Variants in NAV2 observed in about 807,000 individuals in gnomAD.
The protein encoded by NAV2 is neuron navigator 2, also known as helicase, APC down-regulated 1.
Under a neutral mutation model 223.2 loss-of-function variants are expected in NAV2, and 54 were observed. That is an observed-to-expected ratio of 0.24 (90% CI 0.19 to 0.30). The LOEUF (loss-of-function observed/expected upper bound fraction) is 0.30. Among genes scored for constraint, NAV2 ranks in the 10% least tolerant of loss-of-function variants. The probability of loss-of-function intolerance (pLI) is 1.00; values close to 1 mark genes in which losing one functional copy is unlikely to be tolerated. For missense variants in NAV2, 2,806 were observed against 3,147.5 expected (o/e 0.89, Z 2.60); for synonymous variants, 1,279 against 1,239.3 (o/e 1.03, Z -0.67).
At chr11:19,618,440 G>A (rs186215961) in intron 1 of NAV2, among the ~76,000 whole-genome samples, 57 of 149,668 alleles carry the variant, frequency 3.8e-4, no homozygotes, top group Non-Finnish European at 8.0e-4. Flanking sequence ...ATGGATGGAC[G>A]GATGGGTGGA....
intron 11 of NAV2, among the ~76,000 whole-genome samples, chr11:20,026,690 A>G (rs1484937887): frequency 6.6e-6 from 1 of 152,212 alleles, no homozygotes; most frequent in East Asian, 1.9e-4. Context: ...TCTAATGAAC[A>G]CATGACGAGC....
chr11:19,928,159 C>G (rs2044960559), intron 6 of NAV2, among the ~76,000 whole-genome samples: 1 of 152,164 alleles, frequency 6.6e-6, no homozygotes, highest in Admixed American at 6.5e-5. Flanking sequence ...CCACTTCAGT[C>G]TTACATAAAA....
chr11:19,606,908 A>C (rs754339579), intron 1 of NAV2, among the ~76,000 whole-genome samples: 5 of 152,178 alleles, frequency 3.3e-5, no homozygotes, highest in African/African-American at 4.8e-5. Context: ...CCCACCCCAG[A>C]TCCATTGACT....
chr11:19,569,814 G>A (rs1167718185), intron 1 of NAV2, among the ~76,000 whole-genome samples: 1 of 152,102 alleles, frequency 6.6e-6, no homozygotes, highest in Non-Finnish European at 1.5e-5. Context: ...CCCTGGATGG[G>A]GAGTTATGAG....
chr11:19,932,660 A>G (rs553499797), intron 6 of NAV2, among the ~76,000 whole-genome samples: 2 of 152,336 alleles, frequency 1.3e-5, no homozygotes, highest in South Asian at 4.1e-4. Flanking sequence ...AAAAACTTAC[A>G]TGCTTTAATA....
chr11:19,768,611 C>T (rs984612094), intron 1 of NAV2, among the ~76,000 whole-genome samples: 13 of 152,096 alleles, frequency 8.5e-5, no homozygotes, highest in Admixed American at 2.6e-4. Context: ...CAGGCTAGTT[C>T]TATGTGGACT....
chr11:20,080,914 T>C (rs1156300444), intron 25 of NAV2, among the ~76,000 whole-genome samples: 2 of 152,196 alleles, frequency 1.3e-5, no homozygotes, highest in African/African-American at 2.4e-5. Flanking sequence ...TCCAGTTTTT[T>C]AATTCTTCTT....
exon 1 of NAV2, chr11:19,350,974 A>G: frequency 6.4e-7 from 1 of 1,551,774 alleles, no homozygotes; most frequent in Non-Finnish European, 8.7e-7. Flanking sequence ...TTCTGAGTCC[A>G]GCCAACAGCA....
chr11:19,361,927 C>T (rs1037360120), intron 1 of NAV2, among the ~76,000 whole-genome samples: 2 of 151,980 alleles, frequency 1.3e-5, no homozygotes, highest in Non-Finnish European at 2.9e-5. Flanking sequence ...GAGGAGAATC[C>T]CTAGGCTCCC....
At chr11:19,676,911 C>G (rs189767582) in intron 1 of NAV2, among the ~76,000 whole-genome samples, 1 of 152,268 alleles carries the variant, frequency 6.6e-6, no homozygotes, top group African/African-American at 2.4e-5. Flanking sequence ...CTCCTTAGAT[C>G]GTTAAGACAT....
chr11:19,684,511 G>A (rs1411247368), intron 1 of NAV2, among the ~76,000 whole-genome samples: 5 of 152,132 alleles, frequency 3.3e-5, no homozygotes, highest in Non-Finnish European at 1.5e-5. Flanking sequence ...TTAGTCTGGA[G>A]CACCCAAGCA....
At chr11:19,925,044 T>C (rs1206922246) in intron 6 of NAV2, among the ~76,000 whole-genome samples, 1 of 152,226 alleles carries the variant, frequency 6.6e-6, no homozygotes, top group Non-Finnish European at 1.5e-5. Flanking sequence ...TGATTAGTGA[T>C]GTTTAATGTC....
chr11:19,397,396 A>AGTGTGT lies in NAV2; in HGVS notation c.75+46387_75+46392dup, dbSNP rs1554919830. 6.0e-3 allele frequency among the ~76,000 whole-genome samples: 859 copies of AGTGTGT among 143,854 alleles called. 10 individuals are homozygous for AGTGTGT. Among genetic ancestry groups the AGTGTGT allele is most frequent in the Non-Finnish European group, 7.3e-3 (482 of 65,982 alleles). The allele number at this position is 143,854 out of a possible 152,430, so 94.4% of individuals were successfully genotyped here. ...GTGTAGAGAATTGGATTCTCTGGGG[A>AGTGTGT]GTGTGTGTGTGTGTGTGTGTGTGCG... is the stretch of plus-strand genomic sequence containing the variant. On this transcript the variant is annotated intron_variant, in intron 1 of 37. Coordinates refer to the NAV2 transcript ENST00000360655.
chr11:19,681,900 T>C (rs984684950), intron 1 of NAV2, among the ~76,000 whole-genome samples: 1 of 152,150 alleles, frequency 6.6e-6, no homozygotes, highest in East Asian at 1.9e-4. Flanking sequence ...TGGTTTCATA[T>C]AGAAATTAGG....
intron 1 of NAV2, among the ~76,000 whole-genome samples, chr11:19,809,490 G>T (rs1231261134): frequency 8.5e-5 from 13 of 152,164 alleles, no homozygotes; most frequent in Admixed American, 7.2e-4. Context: ...AGTACAGAAA[G>T]TTGCCATATA....
At chr11:19,832,218 C>T (rs1253937254) in intron 1 of NAV2, among the ~76,000 whole-genome samples, 2 of 152,198 alleles carry the variant, frequency 1.3e-5, no homozygotes, top group South Asian at 2.1e-4. Context: ...AGTTCTGTGT[C>T]CCCTGTCTCA....
intron 11 of NAV2, among the ~76,000 whole-genome samples, chr11:20,003,910 G>T (rs1033394937): frequency 6.6e-6 from 1 of 152,192 alleles, no homozygotes; most frequent in Non-Finnish European, 1.5e-5. Flanking sequence ...TCTAGCTTCT[G>T]GTTTTGTTAA....
chr11:20,094,394 T>C (rs541187776), intron 29 of NAV2, among the ~76,000 whole-genome samples: 35 of 151,938 alleles, frequency 2.3e-4, no homozygotes, highest in Non-Finnish European at 5.0e-4. Flanking sequence ...CATGCCCGGC[T>C]AATTTTTGTA....
At chr11:19,823,015 A>G (rs527566872) in intron 1 of NAV2, among the ~76,000 whole-genome samples, 1 of 152,254 alleles carries the variant, frequency 6.6e-6, no homozygotes, top group African/African-American at 2.4e-5. Context: ...AAGTTCCAGC[A>G]TGGCTCTTGC....
Sources: allele counts gnomAD v4.1 joint callset (sites outside exome capture counted in the v4.1 genomes callset), GRCh38; gene constraint gnomAD v4.1.1; transcripts MANE v1.5; gene names NCBI Gene and HGNC (gene_info 2026-07-23, HGNC 2026-07-21).